The following TMEM163 variants were observed in gnomAD, a reference collection of about 807,000 sequenced individuals.
The protein encoded by TMEM163 is transmembrane protein 163.
Under a neutral mutation model 29.3 loss-of-function variants are expected in TMEM163, and 17 were observed. That is an observed-to-expected ratio of 0.58 (90% confidence interval 0.40 to 0.87). The LOEUF is 0.87. TMEM163 is among the 40% of genes least tolerant of loss of function. The probability of loss-of-function intolerance (pLI) is 0.00; values close to 1 mark genes in which losing one functional copy is unlikely to be tolerated. For synonymous variants in TMEM163, 157 were observed against 160.6 expected (o/e 0.98, Z 0.17); for missense variants, 303 against 381.5 (o/e 0.79, Z 1.71).
Position 134,505,885 on chromosome 2 carries a change from A to G in TMEM163, c.459-2888T>C, listed in dbSNP as rs545089980. Among the ~76,000 whole-genome samples, 8 of 152,276 alleles carry G rather than the reference A, an allele frequency of 5.3e-5. No individual in the cohort carries two copies. The South Asian group carries it at 1.7e-3, about 32-fold the overall frequency. ...CAAAATTACACTATAAATTCTGTAA[A>G]GGCAAAAACTACATAGCATGTAGCA... On this transcript the variant is annotated intron_variant, in intron 4 of 7. Transcript: ENST00000281924.
chr2:134,711,590 C>T (rs1288523583), intron 2 of TMEM163, among the ~76,000 whole-genome samples: 1 of 152,186 alleles, frequency 6.6e-6, no homozygotes, highest in Non-Finnish European at 1.5e-5. Context: ...AAGCAACATT[C>T]TAATTCTGTA....
intron 2 of TMEM163, among the ~76,000 whole-genome samples, chr2:134,627,802 A>G (rs1347693820): frequency 6.6e-6 from 1 of 152,238 alleles, no homozygotes; most frequent in Non-Finnish European, 1.5e-5. Context: ...ATACTTTTTC[A>G]AAGAAATCTA....
At chr2:134,506,687 G>T (rs1016891340) in intron 4 of TMEM163, among the ~76,000 whole-genome samples, 8 of 152,212 alleles carry the variant, frequency 5.3e-5, no homozygotes, top group African/African-American at 1.7e-4. Context: ...CACATCACGT[G>T]CTCACACCAC....
intron 2 of TMEM163, among the ~76,000 whole-genome samples, chr2:134,661,299 G>T (rs933127838): frequency 6.6e-6 from 1 of 152,146 alleles, no homozygotes; most frequent in African/African-American, 2.4e-5. Flanking sequence ...CCACAACGGA[G>T]CAAATAAATT....
At chr2:134,486,732 C>T (rs551676075) in intron 5 of TMEM163, among the ~76,000 whole-genome samples, 1 of 152,236 alleles carries the variant, frequency 6.6e-6, no homozygotes, top group Admixed American at 6.5e-5. Context: ...GAAAAGCTGC[C>T]TAGTTCATTA....
intron 2 of TMEM163, among the ~76,000 whole-genome samples, chr2:134,613,234 A>C (rs145878842): frequency 4.4e-4 from 67 of 152,302 alleles, no homozygotes; most frequent in African/African-American, 1.6e-3. Context: ...AGAAAGAAAA[A>C]AGCTAAAGGA....
At chr2:134,595,120 AT>A (rs1169413050) in intron 2 of TMEM163, among the ~76,000 whole-genome samples, 3 of 151,582 alleles carry the variant, frequency 2.0e-5, no homozygotes, top group Middle Eastern at 3.4e-3. Context: ...TTATATATAT[AT>A]TTTTTATTAC....
chr2:134,628,443 AT>A (rs1682899486), intron 2 of TMEM163, among the ~76,000 whole-genome samples: 3 of 152,374 alleles, frequency 2.0e-5, no homozygotes, highest in Admixed American at 6.5e-5. Flanking sequence ...GCCTGGGCCC[AT>A]GGGCCATGCA....
chr2:134,658,245 A>G (rs1199584303), intron 2 of TMEM163, among the ~76,000 whole-genome samples: 1 of 152,184 alleles, frequency 6.6e-6, no homozygotes, highest in Non-Finnish European at 1.5e-5. Flanking sequence ...CAGCTAGGAA[A>G]AATTTAGTAA....
intron 4 of TMEM163, among the ~76,000 whole-genome samples, chr2:134,509,887 A>T (rs968695494): frequency 2.2e-4 from 33 of 152,258 alleles, no homozygotes; most frequent in African/African-American, 7.7e-4. Flanking sequence ...GAAGCAGAGA[A>T]ACTAGAAGGC....
chr2:134,605,196 A>C (rs980011812), intron 2 of TMEM163, among the ~76,000 whole-genome samples: 5 of 151,314 alleles, frequency 3.3e-5, no homozygotes, highest in Admixed American at 2.0e-4. Flanking sequence ...AAAAAAAAAA[A>C]CCACAATCTT....
At chr2:134,486,211 A>G (rs1679302012) in intron 5 of TMEM163, among the ~76,000 whole-genome samples, 1 of 152,244 alleles carries the variant, frequency 6.6e-6, no homozygotes, top group South Asian at 2.1e-4. Flanking sequence ...ATTTAAAAAT[A>G]AAACAGAAAA....
intron 2 of TMEM163, among the ~76,000 whole-genome samples, chr2:134,635,191 AC>A (rs1483472761): frequency 6.6e-6 from 1 of 152,238 alleles, no homozygotes; most frequent in Admixed American, 6.5e-5. Flanking sequence ...TGAGACAATT[AC>A]AGTCTCTGAC....
intron 2 of TMEM163, among the ~76,000 whole-genome samples, chr2:134,586,637 T>A (rs530230327): frequency 6.6e-6 from 1 of 152,264 alleles, no homozygotes; most frequent in Admixed American, 6.5e-5. Flanking sequence ...GACTTCAACA[T>A]GAGAATTTTG....
chr2:134,703,396 G>T (rs1222138539), intron 2 of TMEM163, among the ~76,000 whole-genome samples: 1 of 152,050 alleles, frequency 6.6e-6, no homozygotes, highest in Non-Finnish European at 1.5e-5. Flanking sequence ...AATGCTGAAT[G>T]AAAGTTAATA....
At chr2:134,552,446 C>T (rs1272950262) in intron 2 of TMEM163, among the ~76,000 whole-genome samples, 11 of 152,066 alleles carry the variant, frequency 7.2e-5, no homozygotes, top group Admixed American at 7.2e-4. Flanking sequence ...CCAAACTGTT[C>T]CCATAATAAG....
chr2:134,525,621 G>T (rs533759858), intron 4 of TMEM163, among the ~76,000 whole-genome samples: 1 of 152,306 alleles, frequency 6.6e-6, no homozygotes, highest in Admixed American at 6.5e-5. Context: ...TCTGGGCTAA[G>T]GGGACAAGTT....
At chr2:134,533,251 AG>A (rs1302614581) in intron 4 of TMEM163, among the ~76,000 whole-genome samples, 1 of 152,240 alleles carries the variant, frequency 6.6e-6, no homozygotes, top group African/African-American at 2.4e-5. Flanking sequence ...TTACATATAT[AG>A]GGAGTTTTTT....
chr2:134,511,324 T>A (rs1018422961), intron 4 of TMEM163, among the ~76,000 whole-genome samples: 11 of 152,142 alleles, frequency 7.2e-5, no homozygotes, highest in Non-Finnish European at 1.5e-4. Context: ...GAACCCAGCA[T>A]GCTCAACCTA....
Sources: allele counts gnomAD v4.1 joint callset (sites outside exome capture counted in the v4.1 genomes callset), GRCh38; gene constraint gnomAD v4.1.1; transcripts MANE v1.5; gene names NCBI Gene and HGNC (gene_info 2026-07-23, HGNC 2026-07-21).